The following SIK3 variants were observed in gnomAD, a reference collection of about 807,000 sequenced individuals.
The protein encoded by SIK3 is SIK family kinase 3, also known as serine/threonine-protein kinase SIK3.
SIK3 carries 28 observed loss-of-function variants against 144.2 expected under a neutral mutation model. The observed-to-expected ratio is 0.19, with a 90% CI of 0.14 to 0.27. The LOEUF is 0.27. Among genes scored for constraint, SIK3 ranks in the 10% least tolerant of loss-of-function variants. SIK3 has a pLI of 1.00. For synonymous variants in SIK3, 686 were observed against 676.3 expected, an observed-to-expected ratio of 1.01 and a Z score of -0.22; for missense variants, 1,319 against 1,776.0, an observed-to-expected ratio of 0.74 and a Z score of 4.62.
intron 3 of SIK3, among the ~76,000 whole-genome samples, chr11:116,953,079 C>T (rs966403705): frequency 1.3e-5 from 2 of 152,118 alleles, no homozygotes; most frequent in Admixed American, 6.6e-5. Context: ...AACACTAGAT[C>T]GCTAGGGAAA....
chr11:116,963,381 C>T (rs1949416265), intron 1 of SIK3, among the ~76,000 whole-genome samples: 1 of 152,102 alleles, frequency 6.6e-6, no homozygotes, highest in African/African-American at 2.4e-5. Flanking sequence ...TAATATCTTT[C>T]AATATTTGCT....
At chr11:116,947,221 ATAATTATTTATATATT>A (rs1948682973) in intron 3 of SIK3, among the ~76,000 whole-genome samples, 1 of 134,398 alleles carries the variant, frequency 7.4e-6, no homozygotes, top group Non-Finnish European at 1.5e-5. Context: ...TATACAATAT[ATAATTATTTATATATT>A]TTATATATAA....
In SIK3 at chr11:116,866,426, ATCAC is replaced by A. The variant is rs543235854; in HGVS notation, c.1952+1516_1952+1519del. On this transcript the variant is annotated intron_variant, in intron 15 of 24. Transcript: ENST00000445177. ...GGGAGGAGAAGGCAGGTCTCCAGTA[ATCAC>A]TCAAAGTGCTCTTTATTTATTTATT... Among the ~76,000 whole-genome samples, 67 of 151,346 alleles carry A rather than the reference ATCAC, an allele frequency of 4.4e-4. 2 individuals are homozygous for A. The East Asian group carries it at 0.013, about 29-fold the overall frequency.
rs186949423 is a variant in SIK3 at position 116,982,925 on chromosome 11, C to T, written c.274-25861G>A. 8.0e-3 allele frequency among the ~76,000 whole-genome samples: 862 copies of T among 107,454 alleles called. 3 individuals are homozygous for T. Among genetic ancestry groups the T allele is most frequent in the Non-Finnish European group, 0.012 (680 of 58,342 alleles). 70.5% of individuals were successfully genotyped at this position (107,454 alleles called of 152,430 possible). On this transcript the variant is annotated intron_variant, in intron 1 of 24. Transcript: ENST00000445177. ...CACCACTGCACTCCAGCCTGGGTGA[C>T]GGTACGAGACTCCGTCTCAAAAAAA...
At chr11:117,041,407 C>T (rs1453203485) in intron 1 of SIK3, among the ~76,000 whole-genome samples, 1 of 152,156 alleles carries the variant, frequency 6.6e-6, no homozygotes, top group Non-Finnish European at 1.5e-5. Context: ...ACTTCAAGAC[C>T]TCTCAAATGA....
chr11:117,050,180 T>C (rs1297968989), intron 1 of SIK3, among the ~76,000 whole-genome samples: 4 of 151,822 alleles, frequency 2.6e-5, no homozygotes, highest in Non-Finnish European at 5.9e-5. Context: ...TCCCAGCTAC[T>C]TAAGAGGCTG....
chr11:117,055,582 A>T (rs981139832), intron 1 of SIK3, among the ~76,000 whole-genome samples: 2 of 152,242 alleles, frequency 1.3e-5, no homozygotes, highest in African/African-American at 2.4e-5. Context: ...GACAAAATCC[A>T]GAAGAATATA....
intron 1 of SIK3, among the ~76,000 whole-genome samples, chr11:116,980,560 A>C (rs1296886828): frequency 1.3e-5 from 2 of 152,206 alleles, no homozygotes; most frequent in Non-Finnish European, 2.9e-5. Flanking sequence ...AAAGTTGAAA[A>C]ATCATAATCA....
At chr11:116,990,945 T>C (rs565301711) in intron 1 of SIK3, among the ~76,000 whole-genome samples, 1 of 152,358 alleles carries the variant, frequency 6.6e-6, no homozygotes, top group East Asian at 1.9e-4. Flanking sequence ...CTACTATTTT[T>C]CAGCTACATT....
At chr11:116,962,871 A>C (rs1949397517) in intron 1 of SIK3, among the ~76,000 whole-genome samples, 1 of 152,180 alleles carries the variant, frequency 6.6e-6, no homozygotes. Flanking sequence ...AAAGATATTA[A>C]AACTAATTTC....
At chr11:116,917,105 C>T (rs1363642206) in intron 4 of SIK3, among the ~76,000 whole-genome samples, 6 of 152,116 alleles carry the variant, frequency 3.9e-5, no homozygotes, top group Admixed American at 1.3e-4. Context: ...CAGGTGCGTG[C>T]GACCACACCT....
chr11:116,989,812 T>A (rs1452975053), intron 1 of SIK3, among the ~76,000 whole-genome samples: 1 of 152,134 alleles, frequency 6.6e-6, no homozygotes, highest in Non-Finnish European at 1.5e-5. Flanking sequence ...CAAGAGTAAA[T>A]TTTTAAGTTA....
intron 1 of SIK3, among the ~76,000 whole-genome samples, chr11:116,989,414 T>C (rs1950428672): frequency 6.6e-6 from 1 of 152,228 alleles, no homozygotes; most frequent in Non-Finnish European, 1.5e-5. Flanking sequence ...TCTGCCACTC[T>C]GCCTCTTGAA....
In SIK3 at chr11:116,873,946, A is replaced by C. The variant is rs1275383127; in HGVS notation, c.1538T>G (p.Leu513Trp). ...APNVNFMHNL[L>W]PMQNLQPTGQ... ...GGTTGGTTGCAAGTTTTGCATAGGC[A>C]ACAGGTTGTGCATGAAGTTCACATT... The change falls in exon 12 of 25, where the codon TTG (leucine) becomes TGG (tryptophan). Residue 513 changes from leucine (L) to tryptophan (W), a missense_variant. This residue lies in a region of SIK3 where 167 missense variants were observed against 263.3 expected (regional missense o/e 0.63). Transcript: ENST00000445177. 6.2e-7 allele frequency: 1 copy of C among 1,613,998 alleles called. No homozygotes were observed. The highest frequency in any genetic ancestry group is 8.5e-7 in the Non-Finnish European group (1 of 1,179,960).
chr11:117,052,792 T>C (rs963295416), intron 1 of SIK3, among the ~76,000 whole-genome samples: 2 of 152,224 alleles, frequency 1.3e-5, no homozygotes, highest in African/African-American at 2.4e-5. Context: ...AAATTTCTGG[T>C]TGAAGAGCTT....
intron 1 of SIK3, among the ~76,000 whole-genome samples, chr11:117,043,819 T>C (rs1952844862): frequency 6.6e-6 from 1 of 152,372 alleles, no homozygotes; most frequent in East Asian, 1.9e-4. Flanking sequence ...TCTCAAATCC[T>C]GTGTGAAACA....
intron 1 of SIK3, among the ~76,000 whole-genome samples, chr11:116,995,880 T>A (rs1231086155): frequency 6.6e-6 from 1 of 152,148 alleles, no homozygotes; most frequent in Non-Finnish European, 1.5e-5. Flanking sequence ...TCAGGTGTGG[T>A]AGAACCTGCC....
chr11:117,023,613 AAAAAAAAAATAT>A (rs1273261569), intron 1 of SIK3, among the ~76,000 whole-genome samples: 9 of 85,592 alleles, frequency 1.1e-4, no homozygotes, highest in African/African-American at 4.5e-4. Flanking sequence ...AACAAACAAA[AAAAAAAAAATAT>A]ATATATATAT....
At chr11:116,947,234 T>TATCATATATTATAGATAC (rs1948688739) in intron 3 of SIK3, among the ~76,000 whole-genome samples, 1 of 96,602 alleles carries the variant, frequency 1.0e-5, no homozygotes, top group Non-Finnish European at 2.0e-5. Context: ...ATTATTTATA[T>TATCATATATTATAGATAC]ATTTTATATA....
Sources: allele counts gnomAD v4.1 joint callset (sites outside exome capture counted in the v4.1 genomes callset), GRCh38; gene constraint gnomAD v4.1.1; regional missense constraint gnomAD v4.1.1; transcripts MANE v1.5; gene names NCBI Gene and HGNC (gene_info 2026-07-23, HGNC 2026-07-21).